COL5A3: variants seen among roughly 807,000 people sequenced by gnomAD.
The protein encoded by COL5A3 is collagen type V alpha 3 chain.
In COL5A3, 172 loss-of-function variants were observed where a neutral mutation model predicts 250.0. The observed-to-expected ratio is 0.69, with a 90% CI of 0.61 to 0.78. The LOEUF is 0.78. Ranked by LOEUF, COL5A3 falls within the 30% of genes least tolerant of loss-of-function variation. COL5A3 has a pLI of 0.00. For synonymous variants in COL5A3, 937 were observed against 900.4 expected (o/e 1.04, Z -0.73); for missense variants, 2,340 against 2,334.4 (o/e 1.00, Z -0.05).
rs145429984 is a variant in COL5A3, at chr19:10,008,832, C to A, written c.88+1466G>T. 3.4e-3 allele frequency among the ~76,000 whole-genome samples: 512 copies of A among 152,158 alleles called. 1 individual carries two copies. Among genetic ancestry groups the A allele is most frequent in the Non-Finnish European group, 6.4e-3 (434 of 68,010 alleles). On this transcript the variant is annotated intron_variant, in intron 1 of 66. Coordinates refer to ENST00000264828, the MANE Select transcript of COL5A3 (RefSeq NM_015719.4). ...CCTCGGACTTCTGATGGGGGAGTGC[C>A]GTTCTGTGTGAGAGTGTGACCCAGT...
chr19:9,992,770 C>T, intron 21 of COL5A3, 57 bp downstream of exon 21: 2 of 1,565,500 alleles, frequency 1.3e-6, no homozygotes, highest in Admixed American at 1.7e-5. Flanking sequence ...GAGCGAGACC[C>T]TAATCTCAAA....
rs555437668 is a variant in COL5A3 at position 9,991,476 on chromosome 19, G to A, written c.1992+134C>T. The A allele has an allele frequency of 2.3e-5, 16 of 693,950 alleles. No homozygotes were observed. The East Asian group carries it at 3.0e-4, about 13-fold the overall frequency. The allele number at this position is 693,950 out of a possible 1,614,324, so 43.0% of individuals were successfully genotyped here. A position where few individuals can be genotyped will look rare whatever the true frequency, so the allele number is the denominator to read the frequency against. Reference sequence around the variant, plus strand: ...CCCAACAAGGACACTTTGTATCTCCGGGCTGGCTTAGGGAATGTTGCAGTC... The same window carrying A: ...CCCAACAAGGACACTTTGTATCTCCAGGCTGGCTTAGGGAATGTTGCAGTC... On this transcript the variant is annotated intron_variant, in intron 24 of 66. Transcript: ENST00000264828.
At chr19:10,001,220 A>G (rs563962652) in intron 8 of COL5A3, among the ~76,000 whole-genome samples, 27 of 151,752 alleles carry the variant, frequency 1.8e-4, no homozygotes, top group African/African-American at 6.0e-4. Context: ...ATCTTGGCTC[A>G]TTGCAGCCTC....
chr19:9,989,264 T>C (rs930056170), intron 26 of COL5A3, 58 bp downstream of exon 26: 3 of 1,611,398 alleles, frequency 1.9e-6, no homozygotes, highest in Non-Finnish European at 2.5e-6. Context: ...GGCCCCTGAC[T>C]GCAGGCCCTG....
chr19:9,969,016 T>C, intron 57 of COL5A3: 1 of 583,906 alleles, frequency 1.7e-6, no homozygotes, highest in South Asian at 2.2e-5. Context: ...GAAGGGTCAG[T>C]GTGGTCAGTG....
intron 64 of COL5A3, 30 bp downstream of exon 64, chr19:9,966,284 G>C (rs774683916): frequency 6.5e-7 from 1 of 1,542,790 alleles, no homozygotes; most frequent in African/African-American, 1.4e-5. Context: ...CACTTCCTGG[G>C]GGAGGCGATG....
intron 32 of COL5A3, among the ~76,000 whole-genome samples, chr19:9,981,616 C>A (rs1417113347): frequency 6.6e-6 from 1 of 152,196 alleles, no homozygotes; most frequent in African/African-American, 2.4e-5. Flanking sequence ...AACACTGTTA[C>A]AATACACACA....
rs2086743733 is a variant in COL5A3 at position 9,966,298 on chromosome 19, G to A, written c.4782+16C>T. ...GCACTTCCTGGGGGAGGCGATGAGA[G>A]GTTTGGGTTACTCACGATCTCAAAC... On this transcript the variant is annotated intron_variant, in intron 64 of 66. Coordinates refer to ENST00000264828, the MANE Select transcript of COL5A3 (RefSeq NM_015719.4). The A allele has an allele frequency of 1.9e-6, 3 of 1,587,838 alleles. No individual in the cohort carries two copies. Among genetic ancestry groups the A allele is most frequent in the African/African-American group, 1.3e-5 (1 of 74,470 alleles).
In COL5A3 at chr19:9,960,032, T is replaced by C; in HGVS notation, c.*379A>G. 4.4e-6 allele frequency: 1 copy of C among 228,968 alleles called. No individual in the cohort carries two copies. Among genetic ancestry groups the C allele is most frequent in the South Asian group, 6.0e-5 (1 of 16,656 alleles). 14.2% of individuals were successfully genotyped at this position (228,968 alleles called of 1,614,324 possible). A position where few individuals can be genotyped will look rare whatever the true frequency, so the allele number is the denominator to read the frequency against. Reference sequence around the variant, plus strand: ...TCTGGGGAGGGGTAGCACCAAAAGGTGTGAAGGGCAGCGACGGAGGAGTGA... The same window carrying C: ...TCTGGGGAGGGGTAGCACCAAAAGGCGTGAAGGGCAGCGACGGAGGAGTGA... On this transcript the variant is annotated 3_prime_UTR_variant, in exon 67 of 67. Transcript: ENST00000264828.
chr19:9,971,209 A>G lies in COL5A3; in HGVS notation c.3824T>C (p.Val1275Ala). 6.4e-7 allele frequency: 1 copy of G among 1,554,078 alleles called. No individual in the cohort carries two copies. The highest frequency in any genetic ancestry group is 8.6e-7 in the Non-Finnish European group (1 of 1,159,460). ...TGGGGAGGGGGTCACACTCACTGAA[A>G]CTCCAGGGTCTCCTGGGGGCCCTAG... ...GDLGPPGDPG[V>A]SGIDGSPGEK... The change falls in exon 52 of 67, where the codon GTT becomes GCT. Residue 1275 changes from valine (V) to alanine (A), a missense_variant. Physicochemically the swap from Val to Ala is moderately conservative, Grantham distance 64. Transcript: ENST00000264828.
In COL5A3 at chr19:10,006,239, A is replaced by G. The variant is rs758552467; in HGVS notation, c.89-8T>C. 9.4e-6 allele frequency: 15 copies of G among 1,589,158 alleles called. No homozygotes were observed. Among genetic ancestry groups the G allele is most frequent in the African/African-American group, 1.3e-5 (1 of 74,810 alleles). On this transcript the variant is annotated splice_polypyrimidine_tract_variant and splice_region_variant and intron_variant, in intron 1 of 66. Transcript: ENST00000264828. ...TCAGGACATCCACAGGATCTGCAGC[A>G]GAGAGAAGCCGGGGGTGTCAGGCAG...
At chr19:9,966,290 C>A (rs1173537324) in intron 64 of COL5A3, 24 bp downstream of exon 64, 1 of 1,560,128 alleles carries the variant, frequency 6.4e-7, no homozygotes, top group Admixed American at 1.7e-5. Flanking sequence ...CTGGGGGAGG[C>A]GATGAGAGGT....
At chr19:9,988,833 C>CAAAAAAAAAAAAAAAAAAA (rs67181648) in intron 27 of COL5A3, among the ~76,000 whole-genome samples, 8 of 39,420 alleles carry the variant, frequency 2.0e-4, no homozygotes, top group Non-Finnish European at 3.0e-4. Flanking sequence ...GACTCTGTCT[C>CAAAAAAAAAAAAAAAAAAA]AAAAAAAAAA....
Position 9,960,888 on chromosome 19 carries a change from G to A in COL5A3, c.4854C>T (p.Phe1618=). ...GGGACCCGTCGGCGTCCACGTAGGA[G>A]AACTGGTGAGAGGAGGGCAAGGCAG... ...WYSTFRRGKK[F]SYVDADGSPV... Residue 1618 remains phenylalanine (F), a splice_region_variant and synonymous_variant, in exon 66 of 67, where the codon TTC becomes TTT. Coordinates refer to ENST00000264828, the MANE Select transcript of COL5A3 (RefSeq NM_015719.4). The A allele has an allele frequency of 1.9e-6, 3 of 1,603,342 alleles. No individual in the cohort carries two copies. Among genetic ancestry groups the A allele is most frequent in the Non-Finnish European group, 2.5e-6 (3 of 1,179,966 alleles).
At chr19:10,003,954 A>G in intron 5 of COL5A3, 87 bp downstream of exon 5, 7 of 1,163,506 alleles carry the variant, frequency 6.0e-6, no homozygotes, top group Non-Finnish European at 9.0e-6. Context: ...TGTCTGGGGG[A>G]TGAGAATTCA....
chr19:10,001,787 A>C lies in COL5A3; in HGVS notation c.944T>G (p.Leu315Arg), dbSNP rs201257007. The stretch of plus-strand genomic sequence containing the variant: ...TCCAACCTCTAGGATCGTGGCATTG[A>C]GTCCAGTAGTCACAGTGGAGGTGAC... Reference protein sequence around the residue: ...LVVTSTVTTGLNATILERSLD... With the variant: ...LVVTSTVTTGRNATILERSLD... The change falls in exon 7 of 67, where the codon CTC (leucine) becomes CGC (arginine). Residue 315 changes from leucine to arginine, a missense_variant. Transcript: ENST00000264828. 98 of 1,614,058 alleles carry C rather than the reference A, an allele frequency of 6.1e-5. No homozygotes were observed. In the Admixed American group the frequency reaches 1.6e-3, roughly 27 times the overall value.
rs1186336743 is a variant in COL5A3 at position 9,993,674 on chromosome 19, T to G, written c.1642-2A>C. Reference sequence around the variant, plus strand: ...GAGGCCATCGAAGCCACGATCACCCTGTCCAGAGACACCAGTGAGCCTTGA... The same window carrying G: ...GAGGCCATCGAAGCCACGATCACCCGGTCCAGAGACACCAGTGAGCCTTGA... On this transcript the variant is annotated splice_acceptor_variant, in intron 17 of 66. Transcript: ENST00000264828. LOFTEE classifies it high-confidence loss of function. 12 of 1,614,126 alleles carry G rather than the reference T, an allele frequency of 7.4e-6. No homozygotes were observed. Among genetic ancestry groups the G allele is most frequent in the Non-Finnish European group, 1.0e-5 (12 of 1,180,018 alleles).
rs763777330 is a variant in COL5A3, at chr19:9,997,357, T to C, written c.1263+14A>G. On this transcript the variant is annotated intron_variant, in intron 11 of 66. Transcript: ENST00000264828. ...CTCCTCTGAGAAGTGTACACCCCAGTGGGAGTCTCTTACCGGTGGACCAGG... is the reference window on the plus strand; with the variant it reads ...CTCCTCTGAGAAGTGTACACCCCAGCGGGAGTCTCTTACCGGTGGACCAGG... The C allele has an allele frequency of 1.2e-6, 2 of 1,600,010 alleles. No individual in the cohort carries two copies. Among genetic ancestry groups the C allele is most frequent in the African/African-American group, 2.7e-5 (2 of 74,642 alleles).
At chr19:9,978,076 G>C (rs2086950282) in intron 41 of COL5A3, among the ~76,000 whole-genome samples, 1 of 150,894 alleles carries the variant, frequency 6.6e-6, no homozygotes, top group African/African-American at 2.4e-5. Flanking sequence ...CAAAGAGCTG[G>C]GATTATAGGC....
Sources: allele counts gnomAD v4.1 joint callset (sites outside exome capture counted in the v4.1 genomes callset), GRCh38; gene constraint gnomAD v4.1.1; transcripts MANE v1.5; gene names NCBI Gene and HGNC (gene_info 2026-07-23, HGNC 2026-07-21).